Variants in SEC14L1 observed in about 807,000 individuals in gnomAD.
SEC14L1 encodes SEC14-like protein 1.
A neutral mutation model predicts 85.3 loss-of-function variants in SEC14L1; 48 were observed. That is an observed-to-expected ratio of 0.56 (90% confidence interval 0.45 to 0.72). The LOEUF (loss-of-function observed/expected upper bound fraction) is 0.72, where lower values mean the gene tolerates loss of function less well. SEC14L1 is among the 30% of genes least tolerant of loss of function. SEC14L1 has a pLI of 0.00. For synonymous variants in SEC14L1, 391 were observed against 355.5 expected, an observed-to-expected ratio of 1.10 and a Z score of -1.12; for missense variants, 682 against 921.4, an observed-to-expected ratio of 0.74 and a Z score of 3.36.
Position 77,213,779 on chromosome 17 carries a change from C to A in SEC14L1, c.2043-139C>A. 1 of 1,146,334 alleles carries A rather than the reference C, an allele frequency of 8.7e-7. No homozygotes were observed. Among genetic ancestry groups the A allele is most frequent in the South Asian group, 1.3e-5 (1 of 78,820 alleles). 71.0% of individuals were successfully genotyped at this position (1,146,334 alleles called of 1,614,324 possible). A position where few individuals can be genotyped will look rare whatever the true frequency, so the allele number is the denominator to read the frequency against. ...GTCCCCCTGGTGGGTTACTCATGTC[C>A]ATCCCCCGTTTGCAAGCACTGATGG... On this transcript the variant is annotated intron_variant, in intron 16 of 16. Coordinates refer to ENST00000436233, the MANE Select transcript of SEC14L1 (RefSeq NM_001143998.2). The surrounding 1 kb of genome is among the most constrained non-coding windows in gnomAD (Gnocchi z 7.1).
At position 77,213,925 on chromosome 17, in the gene SEC14L1, A is replaced by G; in HGVS notation, c.2050A>G (p.Met684Val). Residue 684 changes from methionine to valine, a missense_variant, in exon 17 of 17, where the codon ATG becomes GTG. This residue lies in a region of SEC14L1 where 420 missense variants were observed against 619.5 expected (regional missense o/e 0.68). Coordinates refer to ENST00000436233, the MANE Select transcript of SEC14L1 (RefSeq NM_001143998.2). The surrounding 1 kb of genome is among the most constrained non-coding windows in gnomAD (Gnocchi z 7.1). ...CTCCCTGTGCCATTACAGAGGTTCC[A>G]TGACGAGCCTGGAGTCCAGCCACAG... ...VIGSEDFRGS[M>V]TSLESSHSGF... 6.2e-7 allele frequency: 1 copy of G among 1,613,270 alleles called. No homozygotes were observed. The highest frequency in any genetic ancestry group is 8.5e-7 in the Non-Finnish European group (1 of 1,179,748).
At position 77,160,702 on chromosome 17, in the gene SEC14L1, CAG is replaced by C. The variant is rs1360260558; in HGVS notation, c.63+17044_63+17045del. On this transcript the variant is annotated intron_variant, in intron 3 of 16. Transcript: ENST00000436233. ...AACTAGTGTCTTTATAATTCTCTAA[CAG>C]GGATTGGTTGTCTTTGTACTTTTAT... Among the ~76,000 whole-genome samples, 4 of 152,242 alleles carry C rather than the reference CAG, an allele frequency of 2.6e-5. No homozygotes were observed. The East Asian group carries it at 7.7e-4, about 29-fold the overall frequency.
At chr17:77,101,359 G>T (rs955103416) in intron 3 of SEC14L1, among the ~76,000 whole-genome samples, 1 of 152,000 alleles carries the variant, frequency 6.6e-6, no homozygotes, top group South Asian at 2.1e-4. Flanking sequence ...TGTATTTTTA[G>T]TAGAGATGGC....
chr17:77,215,084 G>C lies in SEC14L1; in HGVS notation c.*1061G>C. On this transcript the variant is annotated 3_prime_UTR_variant, in exon 17 of 17. Coordinates refer to ENST00000436233, the MANE Select transcript of SEC14L1 (RefSeq NM_001143998.2). ...ATGCGTGTGTGTGTGTGCATGTGCT[G>C]TGTGTGTGCATGTGTGCATGACGGT... The C allele has an allele frequency of 2.0e-6, 2 of 985,528 alleles. No homozygotes were observed. Among genetic ancestry groups the C allele is most frequent in the Non-Finnish European group, 2.4e-6 (2 of 829,970 alleles). The allele number at this position is 985,528 out of a possible 1,614,324, so 61.0% of individuals were successfully genotyped here.
At chr17:77,134,387 C>G (rs72882058) in intron 3 of SEC14L1, among the ~76,000 whole-genome samples, 20,847 of 151,916 alleles carry the variant, frequency 0.14, 1,667 homozygotes, top group East Asian at 0.26. Context: ...GTAGCTGGAA[C>G]TATAGATGCG....
intron 11 of SEC14L1, 97 bp downstream of exon 11, chr17:77,205,443 C>T: frequency 9.3e-7 from 1 of 1,079,820 alleles, no homozygotes; most frequent in Non-Finnish European, 1.4e-6. Context: ...TATTATTTTC[C>T]AAGGTGCTCT....
chr17:77,145,830 G>A (rs966303813), intron 3 of SEC14L1, among the ~76,000 whole-genome samples: 1 of 152,172 alleles, frequency 6.6e-6, no homozygotes, highest in African/African-American at 2.4e-5. Flanking sequence ...TTTGCCCTGT[G>A]GGACTGTGCC....
Position 77,215,015 on chromosome 17 carries a change from G to A in SEC14L1, c.*992G>A, listed in dbSNP as rs1976968420. On this transcript the variant is annotated 3_prime_UTR_variant, in exon 17 of 17. Coordinates refer to ENST00000436233, the MANE Select transcript of SEC14L1 (RefSeq NM_001143998.2). ...CGCATCCACTTCAGGGTGGCGTGTG[G>A]CATGTAGGAGTCCTGCTTCTTTGTA... The A allele has an allele frequency of 3.0e-6, 3 of 985,552 alleles. No homozygotes were observed. In the South Asian group the frequency reaches 1.4e-4, roughly 46 times the overall value. The allele number at this position is 985,552 out of a possible 1,614,324, so 61.1% of individuals were successfully genotyped here.
intron 3 of SEC14L1, among the ~76,000 whole-genome samples, chr17:77,100,067 G>A (rs1478428133): frequency 3.3e-5 from 5 of 152,240 alleles, no homozygotes; most frequent in Admixed American, 2.0e-4. Context: ...CGCTCCCAGC[G>A]GGAGCCATTT....
intron 3 of SEC14L1, among the ~76,000 whole-genome samples, chr17:77,161,894 TTCTC>T (rs776842594): frequency 1.3e-4 from 19 of 148,222 alleles, no homozygotes; most frequent in Non-Finnish European, 2.4e-4. Context: ...CTTCCTCTCT[TTCTC>T]TCTTTCTTTC....
intron 5 of SEC14L1, among the ~76,000 whole-genome samples, chr17:77,192,488 T>C (rs1028180827): frequency 1.3e-5 from 2 of 152,194 alleles, no homozygotes; most frequent in African/African-American, 4.8e-5. Context: ...TTTCCTGTCC[T>C]TGCTGTCATG....
At chr17:77,186,308 G>A (rs982957400) in intron 3 of SEC14L1, among the ~76,000 whole-genome samples, 65 of 152,184 alleles carry the variant, frequency 4.3e-4, no homozygotes, top group Non-Finnish European at 1.5e-4. Flanking sequence ...AGGTTGCCTT[G>A]CAGTCGCACT....
chr17:77,190,209 T>C (rs1263639292), intron 3 of SEC14L1, among the ~76,000 whole-genome samples: 1 of 152,252 alleles, frequency 6.6e-6, no homozygotes, highest in Admixed American at 6.5e-5. Flanking sequence ...TCCAGTAACA[T>C]GTTGAAAAGA....
chr17:77,131,215 G>T (rs1972600402), intron 3 of SEC14L1, among the ~76,000 whole-genome samples: 1 of 152,178 alleles, frequency 6.6e-6, no homozygotes, highest in Non-Finnish European at 1.5e-5. Context: ...CAACTGCTAG[G>T]TGTCTGTCCT....
chr17:77,144,639 G>A (rs748083783), intron 3 of SEC14L1: 4 of 152,284 alleles, frequency 2.6e-5, no homozygotes, highest in Non-Finnish European at 5.9e-5. Context: ...TTGAGACAGC[G>A]TCTCACTCTG....
At chr17:77,090,885 G>T (rs1038546520) in intron 2 of SEC14L1, among the ~76,000 whole-genome samples, 2 of 151,806 alleles carry the variant, frequency 1.3e-5, no homozygotes, top group Admixed American at 6.6e-5. Context: ...CTACTTGGGA[G>T]GCTGAGGTGG....
chr17:77,202,650 T>C (rs1414395067), intron 9 of SEC14L1, among the ~76,000 whole-genome samples: 1 of 151,204 alleles, frequency 6.6e-6, no homozygotes, highest in Non-Finnish European at 1.5e-5. Context: ...CCCAGCACAG[T>C]GGCTCACGCC....
At chr17:77,126,009 T>G (rs11871193) in intron 3 of SEC14L1, among the ~76,000 whole-genome samples, 86,014 of 152,000 alleles carry the variant, frequency 0.57, 25,581 homozygotes, top group African/African-American at 0.74. Context: ...AAATTAGCTG[T>G]GTATGGTGGC....
intron 3 of SEC14L1, among the ~76,000 whole-genome samples, chr17:77,117,272 G>A (rs1159156629): frequency 1.3e-5 from 2 of 152,084 alleles, no homozygotes; most frequent in Non-Finnish European, 2.9e-5. Flanking sequence ...GCTTGAACCC[G>A]AGAGGTGGAG....
Sources: gnomAD v4.1 joint callset for allele counts (sites outside exome capture counted in the v4.1 genomes callset) on GRCh38, gnomAD v4.1.1 for gene constraint, gnomAD v4.1.1 regional missense constraint, Gnocchi (gnomAD v3.1) non-coding constraint, MANE v1.5 for transcripts, NCBI Gene and HGNC (gene_info 2026-07-23, HGNC 2026-07-21) for gene names.